The following FMN2 variants were observed in gnomAD, a reference collection of about 807,000 sequenced individuals.
The protein encoded by FMN2 is formin-2.
A neutral mutation model predicts 142.3 loss-of-function variants in FMN2; 51 were observed. The ratio of observed to expected loss-of-function variants is 0.36; its 90% CI spans 0.29 to 0.45. The LOEUF (loss-of-function observed/expected upper bound fraction) is 0.45. Among genes scored for constraint, FMN2 ranks in the 20% least tolerant of loss-of-function variants. The pLI is 1.00. For synonymous variants in FMN2, 882 were observed against 869.8 expected (o/e 1.01, Z -0.25); for missense variants, 1,936 against 2,122.8 (o/e 0.91, Z 1.73).
At chr1:240,351,121 A>G (rs1672084438) in intron 13 of FMN2, among the ~76,000 whole-genome samples, 1 of 152,228 alleles carries the variant, frequency 6.6e-6, no homozygotes, top group African/African-American at 2.4e-5. Flanking sequence ...GACTCATTAA[A>G]TACCTGAACT....
At chr1:240,327,672 TAA>T (rs1268413320) in intron 8 of FMN2, among the ~76,000 whole-genome samples, 4 of 152,086 alleles carry the variant, frequency 2.6e-5, no homozygotes, top group African/African-American at 9.7e-5. Flanking sequence ...CTCTATAAAA[TAA>T]AGACAGATTT....
intron 7 of FMN2, among the ~76,000 whole-genome samples, chr1:240,269,918 A>C (rs1427807366): frequency 1.3e-5 from 2 of 152,036 alleles, no homozygotes; most frequent in Non-Finnish European, 2.9e-5. Flanking sequence ...ATCAGTTCTA[A>C]CAGTTTTTTG....
At chr1:240,262,328 T>A (rs1435548300) in intron 7 of FMN2, among the ~76,000 whole-genome samples, 16 of 152,174 alleles carry the variant, frequency 1.1e-4, no homozygotes, top group Non-Finnish European at 2.1e-4. Context: ...TTCATTTTGT[T>A]TAGCATGGTA....
intron 2 of FMN2, among the ~76,000 whole-genome samples, chr1:240,166,132 T>A (rs1043003404): frequency 2.7e-5 from 4 of 149,554 alleles, no homozygotes; most frequent in African/African-American, 7.3e-5. Flanking sequence ...TCCATGTTTT[T>A]TATATATATG....
chr1:240,114,806 C>A (rs776158752), intron 1 of FMN2, among the ~76,000 whole-genome samples: 1 of 152,016 alleles, frequency 6.6e-6, no homozygotes, highest in Non-Finnish European at 1.5e-5. Flanking sequence ...TACAGGCATG[C>A]TCCACCATGC....
chr1:240,457,423 C>A (rs1420966712), intron 16 of FMN2: 1 of 152,172 alleles, frequency 6.6e-6, no homozygotes, highest in East Asian at 1.9e-4. Flanking sequence ...TCCCTGAGGT[C>A]CTTCAGTATG....
intron 6 of FMN2, among the ~76,000 whole-genome samples, chr1:240,252,987 T>C (rs916506321): frequency 7.6e-6 from 1 of 131,734 alleles, no homozygotes; most frequent in Admixed American, 7.9e-5. Flanking sequence ...AGAGTCTCAC[T>C]CTGTCACCAG....
chr1:240,288,736 T>G (rs181873142), intron 7 of FMN2, among the ~76,000 whole-genome samples: 1 of 151,536 alleles, frequency 6.6e-6, no homozygotes, highest in East Asian at 1.9e-4. Flanking sequence ...GCCCTTTCTG[T>G]CTCACTCTAA....
intron 2 of FMN2, chr1:240,145,162 A>G (rs959433243): frequency 3.4e-6 from 5 of 1,475,252 alleles, no homozygotes; most frequent in Admixed American, 3.4e-5. Flanking sequence ...GCGCTGGTCG[A>G]TACAGGGATG....
Position 240,275,933 on chromosome 1 carries a change from G to C in FMN2, c.4153+17901G>C, listed in dbSNP as rs978545360. On this transcript the variant is annotated intron_variant, in intron 7 of 17. Transcript: ENST00000319653. ...CATATCCTTTGCCCACTTTTTGATG[G>C]GAAAGGGTATTCTTAAGTAGAAAGT... Among the ~76,000 whole-genome samples the C allele has an allele frequency of 4.6e-5, 7 of 152,150 alleles. No homozygotes were observed. In the East Asian group the frequency reaches 1.2e-3, roughly 25 times the overall value.
chr1:240,261,586 G>A (rs182575947), intron 7 of FMN2, among the ~76,000 whole-genome samples: 1 of 152,222 alleles, frequency 6.6e-6, no homozygotes, highest in Admixed American at 6.5e-5. Context: ...AGGTATCAAA[G>A]TTCTAACCCT....
chr1:240,179,229 G>A (rs947823694), intron 3 of FMN2: 2 of 151,982 alleles, frequency 1.3e-5, no homozygotes, highest in Non-Finnish European at 2.9e-5. Flanking sequence ...TCATGTCATT[G>A]CCTTATTCAT....
intron 14 of FMN2, among the ~76,000 whole-genome samples, chr1:240,379,617 G>A (rs1673160560): frequency 6.6e-6 from 1 of 152,006 alleles, no homozygotes; most frequent in African/African-American, 2.4e-5. Context: ...GAAGATTGAA[G>A]GGCACTACAC....
chr1:240,173,778 A>G (rs1264124573), intron 2 of FMN2, among the ~76,000 whole-genome samples: 1 of 152,216 alleles, frequency 6.6e-6, no homozygotes, highest in Non-Finnish European at 1.5e-5. Context: ...CCAGTAATAC[A>G]TTACAGTTCT....
intron 1 of FMN2, among the ~76,000 whole-genome samples, chr1:240,100,946 G>C (rs1320184644): frequency 6.6e-6 from 1 of 152,162 alleles, no homozygotes; most frequent in Non-Finnish European, 1.5e-5. Flanking sequence ...CATGCAGAAG[G>C]GTTCTTTGTT....
At chr1:240,189,660 A>G (rs901957680) in intron 4 of FMN2, among the ~76,000 whole-genome samples, 1 of 152,220 alleles carries the variant, frequency 6.6e-6, no homozygotes, top group African/African-American at 2.4e-5. Context: ...TTCATTGAAA[A>G]AGCAAGTTTT....
At chr1:240,130,563 C>A (rs1249136188) in intron 2 of FMN2, among the ~76,000 whole-genome samples, 1 of 152,180 alleles carries the variant, frequency 6.6e-6, no homozygotes, top group African/African-American at 2.4e-5. Context: ...CTCAGCCTTC[C>A]AAAATGCTGG....
chr1:240,441,626 T>C (rs1195225609), intron 16 of FMN2, among the ~76,000 whole-genome samples: 1 of 144,370 alleles, frequency 6.9e-6, no homozygotes, highest in Non-Finnish European at 1.5e-5. Flanking sequence ...TTTTTTTTTT[T>C]AGTTAACCAC....
At chr1:240,353,175 G>C (rs1033132035) in intron 13 of FMN2, among the ~76,000 whole-genome samples, 3 of 152,232 alleles carry the variant, frequency 2.0e-5, no homozygotes, top group African/African-American at 7.2e-5. Flanking sequence ...ACTTCCTTAG[G>C]CTGAACTCCA....
Sources: allele counts gnomAD v4.1 joint callset (sites outside exome capture counted in the v4.1 genomes callset), GRCh38; gene constraint gnomAD v4.1.1; transcripts MANE v1.5; gene names NCBI Gene and HGNC (gene_info 2026-07-23, HGNC 2026-07-21).